The following TWIST2 variants were observed in gnomAD, a reference collection of about 807,000 sequenced individuals.
TWIST2 encodes the protein twist family bHLH transcription factor 2.
A neutral mutation model predicts 11.6 loss-of-function variants in TWIST2; 1 was observed. The ratio of observed to expected loss-of-function variants is 0.09; its 90% CI spans 0.03 to 0.41. The LOEUF (loss-of-function observed/expected upper bound fraction) is 0.41. Ranked by LOEUF, TWIST2 falls within the 10% of genes least tolerant of loss-of-function variation. The pLI is 0.98. For synonymous variants in TWIST2, 87 were observed against 96.6 expected (o/e 0.90, Z 0.58); for missense variants, 168 against 226.4 (o/e 0.74, Z 1.66).
chr2:238,906,209 C>T (rs1056543668), intron 1 of TWIST2, among the ~76,000 whole-genome samples: 3 of 152,034 alleles, frequency 2.0e-5, no homozygotes, highest in Non-Finnish European at 4.4e-5. Context: ...CGACATCAGA[C>T]ACCCACGCCC....
At chr2:238,899,382 A>G (rs938222846) in intron 1 of TWIST2, among the ~76,000 whole-genome samples, 5,656 of 152,326 alleles carry the variant, frequency 0.037, 354 homozygotes, top group African/African-American at 0.13. Flanking sequence ...AGGCAAGGCC[A>G]AGCCTTTCTG....
intron 1 of TWIST2, among the ~76,000 whole-genome samples, chr2:238,862,475 CA>C (rs2106353191): frequency 6.6e-6 from 1 of 152,040 alleles, no homozygotes; most frequent in African/African-American, 2.4e-5. Flanking sequence ...TGAACTTCAA[CA>C]ATAATCTAAG....
chr2:238,902,800 T>C (rs1693289451), intron 1 of TWIST2, among the ~76,000 whole-genome samples: 2 of 136,122 alleles, frequency 1.5e-5, no homozygotes, highest in African/African-American at 5.6e-5. Flanking sequence ...TGTTGTGATG[T>C]GTGAGGTGTG....
intron 1 of TWIST2, among the ~76,000 whole-genome samples, chr2:238,900,158 T>C (rs945271522): frequency 6.6e-6 from 1 of 152,256 alleles, no homozygotes; most frequent in African/African-American, 2.4e-5. Context: ...ACATGTCTGA[T>C]GGCTATCGAT....
intron 1 of TWIST2, among the ~76,000 whole-genome samples, chr2:238,852,147 A>G (rs1692251973): frequency 6.6e-6 from 1 of 152,236 alleles, no homozygotes; most frequent in Non-Finnish European, 1.5e-5. Context: ...AAAAAAGAAA[A>G]AAAAACACCA....
chr2:238,856,396 A>T (rs935777628), intron 1 of TWIST2, among the ~76,000 whole-genome samples: 1 of 152,164 alleles, frequency 6.6e-6, no homozygotes, highest in Non-Finnish European at 1.5e-5. Context: ...GCTGTATGTC[A>T]TCTCCTTTCT....
chr2:238,863,355 A>G lies in TWIST2; in HGVS notation c.*35+14622A>G, dbSNP rs767481821. Among the ~76,000 whole-genome samples, 1 of 152,196 alleles carries G rather than the reference A, an allele frequency of 6.6e-6. No homozygotes were observed. The highest frequency in any genetic ancestry group is 1.5e-5 in the Non-Finnish European group (1 of 68,036). On this transcript the variant is annotated intron_variant, in intron 1 of 1. Transcript: ENST00000612363. This position sits in a 1 kb window ranked among gnomAD's most constrained non-coding sequence, Gnocchi z 4.7. Reference sequence around the variant, plus strand: ...GTATCTTCTGCAATCTACATTAAAGATGCCCGTCCATCATTTTCAGAAGAG... The same window carrying G: ...GTATCTTCTGCAATCTACATTAAAGGTGCCCGTCCATCATTTTCAGAAGAG...
At chr2:238,898,216 T>C (rs1217835982) in intron 1 of TWIST2, among the ~76,000 whole-genome samples, 1 of 152,228 alleles carries the variant, frequency 6.6e-6, no homozygotes, top group Admixed American at 6.5e-5. Flanking sequence ...GCATGTTGCC[T>C]CTAACCAGCT....
chr2:238,895,850 G>C (rs1693200306), intron 1 of TWIST2, among the ~76,000 whole-genome samples: 1 of 152,142 alleles, frequency 6.6e-6, no homozygotes, highest in African/African-American at 2.4e-5. Context: ...AGCCGGCCTG[G>C]TCCGCTGCAG....
chr2:238,892,549 C>G (rs1047883448), intron 1 of TWIST2, among the ~76,000 whole-genome samples: 1 of 152,072 alleles, frequency 6.6e-6, no homozygotes, highest in Non-Finnish European at 1.5e-5. Flanking sequence ...GGCGTGATCT[C>G]GGCTCACTGC....
intron 1 of TWIST2, among the ~76,000 whole-genome samples, chr2:238,908,466 C>G: frequency 6.6e-6 from 1 of 151,938 alleles, no homozygotes; most frequent in East Asian, 1.9e-4. Context: ...TACAACATAC[C>G]ATGTACACTA....
At chr2:238,905,926 CGTGT>C (rs1181896151) in intron 1 of TWIST2, among the ~76,000 whole-genome samples, 1 of 103,798 alleles carries the variant, frequency 9.6e-6, no homozygotes, top group Non-Finnish European at 1.9e-5. Context: ...TGCAGGTGTG[CGTGT>C]GCGCGTGTGT....
Position 238,903,365 on chromosome 2 carries a change from G to A in TWIST2, c.*36-6477G>A, listed in dbSNP as rs1352196033. Among the ~76,000 whole-genome samples the A allele has an allele frequency of 1.4e-4, 20 of 146,442 alleles. 1 individual carries two copies. In the South Asian group the frequency reaches 4.3e-3, roughly 31 times the overall value. On this transcript the variant is annotated intron_variant, in intron 1 of 1. Coordinates refer to ENST00000612363, the MANE Select transcript of TWIST2 (RefSeq NM_001271893.4). The stretch of plus-strand genomic sequence containing the variant: ...TGAGGTAGTGTGTGTGTAATGTGAG[G>A]TGTGATTTAGTGTGTGCGTGATGTG...
intron 1 of TWIST2, among the ~76,000 whole-genome samples, chr2:238,849,661 G>A (rs1692208770): frequency 6.6e-6 from 1 of 152,242 alleles, no homozygotes; most frequent in South Asian, 2.1e-4. Flanking sequence ...TGCGCGAGGA[G>A]AAGGCTCGGG....
chr2:238,870,166 A>C (rs1384700080), intron 1 of TWIST2, among the ~76,000 whole-genome samples: 5 of 122,132 alleles, frequency 4.1e-5, no homozygotes, highest in South Asian at 3.0e-4. Context: ...CCCCACACAC[A>C]CCACACACCC....
chr2:238,868,328 C>T (rs150374871), intron 1 of TWIST2, among the ~76,000 whole-genome samples: 4,460 of 152,280 alleles, frequency 0.029, 184 homozygotes, highest in African/African-American at 0.1. Flanking sequence ...AGCCCCCCGC[C>T]CCCCAGCCTG....
intron 1 of TWIST2, among the ~76,000 whole-genome samples, chr2:238,884,942 G>A (rs1375323781): frequency 6.6e-6 from 1 of 152,230 alleles, no homozygotes; most frequent in Non-Finnish European, 1.5e-5. Context: ...TGTGGGTAAG[G>A]GGCAGAGCAG....
intron 1 of TWIST2, among the ~76,000 whole-genome samples, chr2:238,878,562 C>T (rs995129819): frequency 7.2e-5 from 11 of 152,170 alleles, no homozygotes; most frequent in Admixed American, 1.3e-4. Context: ...GGTCACCTCT[C>T]GCCACTTGCT....
intron 1 of TWIST2, among the ~76,000 whole-genome samples, chr2:238,853,954 G>A (rs1216324917): frequency 6.6e-6 from 1 of 152,158 alleles, no homozygotes; most frequent in Non-Finnish European, 1.5e-5. Flanking sequence ...CTTGTCTACC[G>A]GGGCTGTCCC....
Sources: gnomAD v4.1 joint callset for allele counts (sites outside exome capture counted in the v4.1 genomes callset) on GRCh38, gnomAD v4.1.1 for gene constraint, Gnocchi (gnomAD v3.1) non-coding constraint, MANE v1.5 for transcripts, NCBI Gene and HGNC (gene_info 2026-07-23, HGNC 2026-07-21) for gene names.